Variants in APP observed in about 807,000 individuals in gnomAD.
The protein encoded by APP is amyloid-beta precursor protein.
A neutral mutation model predicts 101.4 loss-of-function variants in APP; 31 were observed. The observed-to-expected ratio is 0.31, with a 90% CI of 0.23 to 0.41. APP has a LOEUF of 0.41. APP is among the 10% of genes least tolerant of loss of function. The pLI, the probability that APP is intolerant of heterozygous loss-of-function variation, is 1.00. For synonymous variants in APP, 366 were observed against 364.4 expected, an observed-to-expected ratio of 1.00 and a Z score of -0.05; for missense variants, 839 against 1,003.7, an observed-to-expected ratio of 0.84 and a Z score of 2.22.
chr21:25,936,157 TA>T (rs1217335199), intron 13 of APP, among the ~76,000 whole-genome samples: 2 of 152,174 alleles, frequency 1.3e-5, no homozygotes, highest in African/African-American at 4.8e-5. Context: ...ATCAAAGCCC[TA>T]ACCCTCAAGG....
chr21:25,901,848 G>A (rs1471149165), intron 15 of APP, among the ~76,000 whole-genome samples: 2 of 152,150 alleles, frequency 1.3e-5, no homozygotes, highest in Admixed American at 6.5e-5. Flanking sequence ...CAAGGACCTG[G>A]TTTCCCTTTA....
At chr21:25,940,797 C>G (rs548639011) in intron 13 of APP, among the ~76,000 whole-genome samples, 6 of 152,142 alleles carry the variant, frequency 3.9e-5, no homozygotes, top group African/African-American at 1.4e-4. Context: ...ATCAGTAATT[C>G]GCAAAGTTTA....
chr21:26,053,203 CT>C (rs1328462014), intron 4 of APP, 32 bp downstream of exon 4: 1 of 1,501,214 alleles, frequency 6.7e-7, no homozygotes, highest in Non-Finnish European at 9.3e-7. Context: ...GAAATCTTCA[CT>C]TTGCAATAAG....
In APP at chr21:25,881,207, GC is replaced by G. The variant is rs1318312697; in HGVS notation, c.*462del. On this transcript the variant is annotated 3_prime_UTR_variant, in exon 18 of 18. Transcript: ENST00000346798. ...ACTTAAAAATGTTTAACTTTAAAAT[GC>G]ATAGTGATCAGGAAAGGAATACTTA... 6.8e-5 allele frequency: 14 copies of G among 205,362 alleles called. No homozygotes were observed. Among genetic ancestry groups the G allele is most frequent in the Non-Finnish European group, 1.3e-4 (13 of 99,560 alleles). 12.7% of individuals were successfully genotyped at this position (205,362 alleles called of 1,614,324 possible).
chr21:26,059,006 G>A (rs981152310), intron 3 of APP, among the ~76,000 whole-genome samples: 61 of 151,812 alleles, frequency 4.0e-4, no homozygotes, highest in African/African-American at 1.3e-3. Context: ...GCGTGAACCC[G>A]GGAGGCGGAG....
chr21:26,097,807 G>A (rs45594835), intron 2 of APP, among the ~76,000 whole-genome samples: 5,751 of 152,194 alleles, frequency 0.038, 223 homozygotes, highest in East Asian at 0.14. Context: ...TAGGCCGGGC[G>A]CGGTGGCTCA....
chr21:26,170,439 G>A (rs921094525), intron 1 of APP, 125 bp downstream of exon 1: 2 of 1,021,770 alleles, frequency 2.0e-6, no homozygotes, highest in African/African-American at 3.3e-5. Context: ...AGCGGGGGCG[G>A]AGAGGAGAGG....
At chr21:26,005,019 A>G (rs921604937) in intron 6 of APP, among the ~76,000 whole-genome samples, 1 of 152,172 alleles carries the variant, frequency 6.6e-6, no homozygotes, top group South Asian at 2.1e-4. Flanking sequence ...TTCATGGTGT[A>G]TATGTGCCAC....
At chr21:26,044,990 T>G (rs2045544178) in intron 5 of APP, among the ~76,000 whole-genome samples, 1 of 152,246 alleles carries the variant, frequency 6.6e-6, no homozygotes, top group Non-Finnish European at 1.5e-5. Flanking sequence ...CATTTTATGA[T>G]GCTTATGCAA....
intron 3 of APP, among the ~76,000 whole-genome samples, chr21:26,066,718 A>C (rs1167255843): frequency 6.6e-6 from 1 of 151,248 alleles, no homozygotes; most frequent in Non-Finnish European, 1.5e-5. Flanking sequence ...TTTGGCACCA[A>C]CTTAAGGACT....
Position 26,052,740 on chromosome 21 carries a change from T to TG in APP, c.468+495_468+496insC, listed in dbSNP as rs1165524775. On this transcript the variant is annotated intron_variant, in intron 4 of 17. Coordinates refer to ENST00000346798, the MANE Select transcript of APP (RefSeq NM_000484.4). ...GTATAAAAAAGCTACTTCACTGTTC[T>TG]ACCACTGTATTCACTAATAGATAAC... 6.6e-5 allele frequency among the ~76,000 whole-genome samples: 10 copies of TG among 152,338 alleles called. No individual in the cohort carries two copies. In the East Asian group the frequency reaches 1.9e-3, roughly 29 times the overall value.
chr21:26,025,566 T>G (rs972105063), intron 5 of APP, among the ~76,000 whole-genome samples: 1 of 152,228 alleles, frequency 6.6e-6, no homozygotes, highest in Non-Finnish European at 1.5e-5. Flanking sequence ...GGCTTCTTTG[T>G]TATTACTTGG....
chr21:26,040,158 G>T (rs1303318090), intron 5 of APP, among the ~76,000 whole-genome samples: 1 of 152,064 alleles, frequency 6.6e-6, no homozygotes, highest in Non-Finnish European at 1.5e-5. Context: ...AAGGAAGTTT[G>T]TATACATTGA....
chr21:26,088,903 T>C (rs4405833), intron 3 of APP, among the ~76,000 whole-genome samples: 1 of 152,354 alleles, frequency 6.6e-6, no homozygotes, highest in East Asian at 1.9e-4. Context: ...TAATGCCCAG[T>C]GTTTTCATTT....
In APP at chr21:25,881,181, T is replaced by C. The variant is rs199862130; in HGVS notation, c.*489A>G. On this transcript the variant is annotated 3_prime_UTR_variant, in exon 18 of 18. Coordinates refer to ENST00000346798, the MANE Select transcript of APP (RefSeq NM_000484.4). ...AAAAATCTCTCTAAAGCATCTGAAA[T>C]ACTTAAAAATGTTTAACTTTAAAAT... 89 of 196,592 alleles carry C rather than the reference T, an allele frequency of 4.5e-4. No individual in the cohort carries two copies. The highest frequency in any genetic ancestry group is 1.2e-4 in the Non-Finnish European group (11 of 94,268). 12.2% of individuals were successfully genotyped at this position (196,592 alleles called of 1,614,324 possible). A position where few individuals can be genotyped will look rare whatever the true frequency, so the allele number is the denominator to read the frequency against.
At chr21:26,090,165 G>T (rs1398598054) in intron 2 of APP, 93 bp from the exon 3 acceptor site, 45 of 1,571,028 alleles carry the variant, frequency 2.9e-5, no homozygotes, top group Non-Finnish European at 3.6e-5. Flanking sequence ...GGTACAGGTG[G>T]AGTGTCCCTT....
chr21:26,092,919 T>C (rs2061857688), intron 2 of APP, among the ~76,000 whole-genome samples: 1 of 147,398 alleles, frequency 6.8e-6, no homozygotes, highest in Non-Finnish European at 1.5e-5. Flanking sequence ...ATAAACTCAG[T>C]GGTAGAGGTA....
intron 13 of APP, among the ~76,000 whole-genome samples, chr21:25,944,040 C>CT (rs1392294460): frequency 6.6e-6 from 1 of 151,982 alleles, no homozygotes; most frequent in Non-Finnish European, 1.5e-5. Context: ...CAATGCCCCC[C>CT]CCCAACCAAA....
intron 9 of APP, 74 bp from the exon 10 acceptor site, chr21:25,976,102 A>AT: frequency 8.0e-7 from 1 of 1,248,076 alleles, no homozygotes; most frequent in Non-Finnish European, 1.2e-6. Context: ...AGGATGGATG[A>AT]TTATGTTTTT....
Sources: gnomAD v4.1 joint callset for allele counts (sites outside exome capture counted in the v4.1 genomes callset) on GRCh38, gnomAD v4.1.1 for gene constraint, MANE v1.5 for transcripts, NCBI Gene and HGNC (gene_info 2026-07-23, HGNC 2026-07-21) for gene names.